Variants in HID1 observed in about 807,000 individuals in gnomAD.
HID1 encodes protein HID1.
In HID1, 42 loss-of-function variants were observed where a neutral mutation model predicts 89.7. That is an observed-to-expected ratio of 0.47 (90% CI 0.37 to 0.61). The LOEUF (loss-of-function observed/expected upper bound fraction) is 0.61. Ranked by LOEUF, HID1 falls within the 20% of genes least tolerant of loss-of-function variation. The probability of loss-of-function intolerance (pLI) is 0.00; values close to 1 mark genes in which losing one functional copy is unlikely to be tolerated. For synonymous variants in HID1, 442 were observed against 433.8 expected (o/e 1.02, Z -0.24); for missense variants, 854 against 1,039.3 (o/e 0.82, Z 2.45).
chr17:74,962,193 G>T lies in HID1; in HGVS notation c.611+41C>A. The T allele has an allele frequency of 1.3e-6, 2 of 1,520,370 alleles. No individual in the cohort carries two copies. Among genetic ancestry groups the T allele is most frequent in the Non-Finnish European group, 1.8e-6 (2 of 1,104,782 alleles). 94.2% of individuals were successfully genotyped at this position (1,520,370 alleles called of 1,614,324 possible). On this transcript the variant is annotated intron_variant, in intron 5 of 18. Coordinates refer to ENST00000425042, the MANE Select transcript of HID1 (RefSeq NM_030630.3). The surrounding 1 kb of genome is among the most constrained non-coding windows in gnomAD (Gnocchi z 4.3). ...GAGCTGTGCGGGGGCCCGGCCCGGG[G>T]TCCAGCTGCATTGAGGGCTCCGGGC... is the stretch of plus-strand genomic sequence containing the variant.
intron 13 of HID1, chr17:74,955,020 A>T: frequency 6.4e-6 from 1 of 157,222 alleles, no homozygotes; most frequent in Admixed American, 6.0e-5. Context: ...TCTGGGGGTT[A>T]TTTTGCCCCA....
Position 74,961,914 on chromosome 17 carries a change from G to A in HID1, c.687C>T (p.Ser229=), listed in dbSNP as rs149788219. Residue 229 remains serine (S), a synonymous_variant, in exon 6 of 19, where the codon AGC becomes AGT. Coordinates refer to ENST00000425042, the MANE Select transcript of HID1 (RefSeq NM_030630.3). The part of the protein sequence containing the change: ...MYLPPAPESG[S]TNPWVQFFCS... ...AAAAGAACTGAACCCATGGGTTGGT[G>A]CTGCCACTTTCCGGAGCTGGGGGCA... The A allele has an allele frequency of 1.3e-4, 210 of 1,602,990 alleles. No individual in the cohort carries two copies. The highest frequency in any genetic ancestry group is 1.7e-4 in the Non-Finnish European group (200 of 1,174,804).
In HID1 at chr17:74,964,536, T is replaced by C. The variant is rs1487421284; in HGVS notation, c.163A>G (p.Ile55Val). 3 of 1,610,232 alleles carry C rather than the reference T, an allele frequency of 1.9e-6. No individual in the cohort carries two copies. The highest frequency in any genetic ancestry group is 2.7e-5 in the African/African-American group (2 of 74,874). ...GGTGACTCTTCCCGCACGGCCCGGA[T>C]CTCTGCTGCCGGCACCAGTGCAAAC... is the stretch of plus-strand genomic sequence containing the variant. Reference protein sequence around the residue: ...DVFALVPAAEIRAVREESPSN... With the variant: ...DVFALVPAAEVRAVREESPSN... The change falls in exon 2 of 19, where the codon ATC (isoleucine) becomes GTC (valine). Residue 55 changes from isoleucine to valine, a missense_variant. Transcript: ENST00000425042.
At chr17:74,967,659 G>C (rs2039582952) in intron 1 of HID1, 1 of 152,118 alleles carries the variant, frequency 6.6e-6, no homozygotes, top group Non-Finnish European at 1.5e-5. Flanking sequence ...AGACCAGCCT[G>C]AACAACATGA....
Position 74,959,959 on chromosome 17 carries a change from G to A in HID1, c.952-22C>T, listed in dbSNP as rs2039452921. ...GAGGCTGCCAAGAGGAGAAGCCCCTGGTGAGCAGGCGTCCTCCCCACAACC... is the reference window on the plus strand; with the variant it reads ...GAGGCTGCCAAGAGGAGAAGCCCCTAGTGAGCAGGCGTCCTCCCCACAACC... On this transcript the variant is annotated intron_variant, in intron 7 of 18. Transcript: ENST00000425042. This position sits in a 1 kb window ranked among gnomAD's most constrained non-coding sequence, Gnocchi z 4.6. The A allele has an allele frequency of 6.2e-7, 1 of 1,613,630 alleles. No homozygotes were observed.
At position 74,958,458 on chromosome 17, in the gene HID1, T is replaced by C. The variant is rs2039427654; in HGVS notation, c.1261A>G (p.Ile421Val). The change falls in exon 11 of 19, where the codon ATT becomes GTT. Residue 421 changes from isoleucine (I) to valine (V), a missense_variant. Physicochemically the swap from Ile to Val is conservative, Grantham distance 29. Transcript: ENST00000425042. The surrounding 1 kb of genome is among the most constrained non-coding windows in gnomAD (Gnocchi z 5.2). ...AGAAGCAGCAAGATGAAGACACCAA[T>C]GTGCATCAGGCCCACCCGAGCTGCG... Reference protein sequence around the residue: ...ADQSRVGLMHIGVFILLLLSG... With the variant: ...ADQSRVGLMHVGVFILLLLSG... 1.9e-6 allele frequency: 3 copies of C among 1,598,158 alleles called. No individual in the cohort carries two copies. The highest frequency in any genetic ancestry group is 2.6e-6 in the Non-Finnish European group (3 of 1,172,526).
Position 74,951,296 on chromosome 17 carries a change from TA to T in HID1, c.*273del, listed in dbSNP as rs1454282104. ...GAGGGGCCAGCACTGAGCCAGGTCT[TA>T]AAGAGGGAGTCCGAGTGTTGGGGGC... On this transcript the variant is annotated 3_prime_UTR_variant, in exon 19 of 19. Transcript: ENST00000425042. 2 of 531,494 alleles carry T rather than the reference TA, an allele frequency of 3.8e-6. No homozygotes were observed. Among genetic ancestry groups the T allele is most frequent in the Admixed American group, 6.7e-5 (2 of 30,074 alleles). The allele number at this position is 531,494 out of a possible 1,614,324, so 32.9% of individuals were successfully genotyped here. A position where few individuals can be genotyped will look rare whatever the true frequency, so the allele number is the denominator to read the frequency against.
rs2039453138 is a variant in HID1 at position 74,959,979 on chromosome 17, A to G, written c.952-42T>C. The G allele has an allele frequency of 1.2e-6, 2 of 1,613,510 alleles. No individual in the cohort carries two copies. Among genetic ancestry groups the G allele is most frequent in the Non-Finnish European group, 1.7e-6 (2 of 1,179,956 alleles). On this transcript the variant is annotated intron_variant, in intron 7 of 18. Coordinates refer to ENST00000425042, the MANE Select transcript of HID1 (RefSeq NM_030630.3). The surrounding 1 kb of genome is among the most constrained non-coding windows in gnomAD (Gnocchi z 4.6). Reference sequence around the variant, plus strand: ...CCCCTGGTGAGCAGGCGTCCTCCCCACAACCCGTGGCCCCGGCAGCTGTCC... The same window carrying G: ...CCCCTGGTGAGCAGGCGTCCTCCCCGCAACCCGTGGCCCCGGCAGCTGTCC...
At chr17:74,951,687 A>G in intron 18 of HID1, 54 bp from the exon 19 acceptor site, 2 of 1,552,876 alleles carry the variant, frequency 1.3e-6, no homozygotes, top group East Asian at 4.5e-5. Flanking sequence ...CAGACAAGGC[A>G]CCAGGAGGAG....
chr17:74,963,083 T>G lies in HID1; in HGVS notation c.388-2A>C, dbSNP rs2039509234. On this transcript the variant is annotated splice_acceptor_variant, in intron 3 of 18. Transcript: ENST00000425042. LOFTEE classifies it high-confidence loss of function. ...ATGCTCATCATCCTCTTCTCCCTGC[T>G]GGGGACACAGCACCCACAGGCTGCC... is the stretch of plus-strand genomic sequence containing the variant. 5 of 1,594,564 alleles carry G rather than the reference T, an allele frequency of 3.1e-6. No individual in the cohort carries two copies. Among genetic ancestry groups the G allele is most frequent in the Non-Finnish European group, 4.3e-6 (5 of 1,167,910 alleles).
intron 12 of HID1, 72 bp from the exon 13 acceptor site, chr17:74,956,028 G>A: frequency 1.4e-6 from 2 of 1,477,636 alleles, no homozygotes; most frequent in Non-Finnish European, 1.9e-6. Context: ...GGCCGGGGTG[G>A]AACAACAGGC....
Position 74,959,153 on chromosome 17 carries a change from C to T in HID1, c.1009-102G>A, listed in dbSNP as rs925562876. On this transcript the variant is annotated intron_variant, in intron 8 of 18. Transcript: ENST00000425042. This position sits in a 1 kb window ranked among gnomAD's most constrained non-coding sequence, Gnocchi z 4.6. ...AAATCCCCCCCTCCATCCCCCAGAG[C>T]CAGATCCCACCTCCAGAGCCAGAGG... The T allele has an allele frequency of 2.3e-5, 30 of 1,319,794 alleles. No homozygotes were observed. The African/African-American group carries it at 4.1e-4, about 18-fold the overall frequency. The allele number at this position is 1,319,794 out of a possible 1,614,324, so 81.8% of individuals were successfully genotyped here. A position where few individuals can be genotyped will look rare whatever the true frequency, so the allele number is the denominator to read the frequency against.
In HID1 at chr17:74,959,633, T is replaced by G. The variant is rs1477234359; in HGVS notation, c.1008+248A>C. On this transcript the variant is annotated intron_variant, in intron 8 of 18. Transcript: ENST00000425042. This position sits in a 1 kb window ranked among gnomAD's most constrained non-coding sequence, Gnocchi z 4.6. ...CCCTTGTCCACTGTCATTCCCCTTTTGTCCCCACCACCTCTGAAATGACAT... is the reference window on the plus strand; with the variant it reads ...CCCTTGTCCACTGTCATTCCCCTTTGGTCCCCACCACCTCTGAAATGACAT... Among the ~76,000 whole-genome samples the G allele has an allele frequency of 6.6e-6, 1 of 152,114 alleles. No individual in the cohort carries two copies. Among genetic ancestry groups the G allele is most frequent in the Non-Finnish European group, 1.5e-5 (1 of 68,014 alleles).
chr17:74,967,430 G>A (rs2039579269), intron 1 of HID1, among the ~76,000 whole-genome samples: 1 of 150,342 alleles, frequency 6.7e-6, no homozygotes, highest in Non-Finnish European at 1.5e-5. Context: ...CCCAGCTACT[G>A]GGGGAGGCTG....
chr17:74,962,507 G>A lies in HID1; in HGVS notation c.505-167C>T, dbSNP rs990082836. ...CTGGCCCTCATGCACAAGAGCAGGA[G>A]TGAATATTCTTAGGCCTCTTGAAAG... On this transcript the variant is annotated intron_variant, in intron 4 of 18. Transcript: ENST00000425042. This position sits in a 1 kb window ranked among gnomAD's most constrained non-coding sequence, Gnocchi z 4.3. 3.3e-5 allele frequency among the ~76,000 whole-genome samples: 5 copies of A among 152,158 alleles called. No homozygotes were observed. The highest frequency in any genetic ancestry group is 7.4e-5 in the Non-Finnish European group (5 of 68,018).
intron 1 of HID1, among the ~76,000 whole-genome samples, chr17:74,969,475 C>T (rs560053078): frequency 4.6e-5 from 7 of 152,234 alleles, no homozygotes; most frequent in African/African-American, 1.2e-4. Context: ...CATGAGCCAC[C>T]GCACCTAGCC....
chr17:74,964,134 C>G (rs2039527412), intron 2 of HID1: 1 of 600,328 alleles, frequency 1.7e-6, no homozygotes, highest in Admixed American at 3.0e-5. Context: ...ATCAGGACAG[C>G]CAGGGCCCAG....
intron 13 of HID1, among the ~76,000 whole-genome samples, chr17:74,955,145 C>T (rs1364645892): frequency 2.0e-5 from 3 of 152,176 alleles, no homozygotes; most frequent in African/African-American, 4.8e-5. Flanking sequence ...ACAGGGCTAA[C>T]GAGTGGCAAG....
intron 18 of HID1, 117 bp downstream of exon 18, chr17:74,951,788 T>C: frequency 7.3e-7 from 1 of 1,377,668 alleles, no homozygotes; most frequent in South Asian, 1.4e-5. Context: ...AAGGCCGCCT[T>C]AGTTGACTGT....
Sources: gnomAD v4.1 joint callset for allele counts (sites outside exome capture counted in the v4.1 genomes callset) on GRCh38, gnomAD v4.1.1 for gene constraint, Gnocchi (gnomAD v3.1) non-coding constraint, MANE v1.5 for transcripts, NCBI Gene and HGNC (gene_info 2026-07-23, HGNC 2026-07-21) for gene names.